The following NEIL3 variants were observed in gnomAD, a reference collection of about 807,000 sequenced individuals.
NEIL3 encodes the protein nei like DNA glycosylase 3.
A neutral mutation model predicts 57.5 loss-of-function variants in NEIL3; 48 were observed. The observed-to-expected ratio is 0.83, with a 90% CI of 0.66 to 1.06. The LOEUF (loss-of-function observed/expected upper bound fraction) is 1.06, where lower values mean the gene tolerates loss of function less well. Among genes scored for constraint, NEIL3 ranks in the 50% least tolerant of loss-of-function variants. The probability of loss-of-function intolerance (pLI) is 0.00; values close to 1 mark genes in which losing one functional copy is unlikely to be tolerated. For synonymous variants in NEIL3, 261 were observed against 253.2 expected (o/e 1.03, Z -0.29); for missense variants, 717 against 739.1 (o/e 0.97, Z 0.35).
chr4:177,325,092 A>G (rs1486813465), intron 2 of NEIL3, among the ~76,000 whole-genome samples: 1 of 152,078 alleles, frequency 6.6e-6, no homozygotes, highest in Non-Finnish European at 1.5e-5. Context: ...TATATCTGAG[A>G]TATTTTGGAG....
chr4:177,345,464 C>CTT (rs11368079), intron 6 of NEIL3, among the ~76,000 whole-genome samples: 22 of 139,270 alleles, frequency 1.6e-4, no homozygotes, highest in African/African-American at 3.8e-4. Flanking sequence ...CAAACCAACT[C>CTT]TTTTTTTTTT....
chr4:177,335,526 A>T (rs1412212997), intron 2 of NEIL3, among the ~76,000 whole-genome samples, 162 bp from the exon 3 acceptor site: 2 of 152,154 alleles, frequency 1.3e-5, no homozygotes, highest in Non-Finnish European at 2.9e-5. Context: ...GTCATGAGAG[A>T]AAAATATATA....
chr4:177,338,086 G>A (rs1038443860), intron 4 of NEIL3, among the ~76,000 whole-genome samples: 8 of 151,966 alleles, frequency 5.3e-5, no homozygotes, highest in Non-Finnish European at 1.0e-4. Context: ...TTAAAAGCAC[G>A]TGCACAATTA....
chr4:177,323,201 T>C (rs933073610), intron 2 of NEIL3, among the ~76,000 whole-genome samples: 1 of 152,188 alleles, frequency 6.6e-6, no homozygotes, highest in East Asian at 1.9e-4. Context: ...TGTTTAATTT[T>C]TGCAGGAAAA....
chr4:177,361,253 A>G (rs1371054265), intron 9 of NEIL3, among the ~76,000 whole-genome samples: 1 of 152,208 alleles, frequency 6.6e-6, no homozygotes, highest in African/African-American at 2.4e-5. Flanking sequence ...TAAGAACCTC[A>G]GGTCCGTTTA....
intron 6 of NEIL3, among the ~76,000 whole-genome samples, chr4:177,345,290 A>G (rs1735191440): frequency 6.6e-6 from 1 of 152,292 alleles, no homozygotes; most frequent in Non-Finnish European, 1.5e-5. Context: ...GGATTTTCTG[A>G]AAGACGAAAC....
At chr4:177,368,804 T>A in the NEIL3 span, among the ~76,000 whole-genome samples, 1 of 152,328 alleles carries the variant, frequency 6.6e-6, no homozygotes, top group East Asian at 1.9e-4. Context: ...GTCCCTTTTT[T>A]TGGTATTTTC....
intron 8 of NEIL3, 49 bp from the exon 9 acceptor site, chr4:177,360,454 G>A: frequency 1.4e-6 from 2 of 1,408,028 alleles, no homozygotes; most frequent in Non-Finnish European, 1.9e-6. Flanking sequence ...GGTGTGAATG[G>A]TCCCTTAGCA....
chr4:177,349,054 T>TTA (rs1491026828), intron 6 of NEIL3, among the ~76,000 whole-genome samples: 1 of 105,540 alleles, frequency 9.5e-6, no homozygotes, highest in African/African-American at 3.3e-5. Flanking sequence ...TTTTTTTTTT[T>TTA]TGTATTTTTA....
At chr4:177,348,818 A>T (rs548890164) in intron 6 of NEIL3, among the ~76,000 whole-genome samples, 2 of 115,362 alleles carry the variant, frequency 1.7e-5, no homozygotes, top group Admixed American at 1.1e-4. Context: ...ATTTCCTGAC[A>T]TGAGATAGAA....
chr4:177,359,559 G>T (rs1735564935), intron 8 of NEIL3, among the ~76,000 whole-genome samples: 1 of 151,922 alleles, frequency 6.6e-6, no homozygotes, highest in Admixed American at 6.6e-5. Flanking sequence ...ATTTAAGAAT[G>T]ATATTTTTGT....
intron 8 of NEIL3, among the ~76,000 whole-genome samples, chr4:177,354,469 G>A (rs987686654): frequency 6.6e-6 from 1 of 152,096 alleles, no homozygotes; most frequent in Non-Finnish European, 1.5e-5. Flanking sequence ...CTAAAAGGAG[G>A]GGTCTGAGGT....
intron 6 of NEIL3, among the ~76,000 whole-genome samples, chr4:177,346,662 A>G (rs1053193281): frequency 1.3e-5 from 2 of 152,184 alleles, no homozygotes; most frequent in African/African-American, 4.8e-5. Context: ...AGATTCAGCT[A>G]TCATCTCAGA....
chr4:177,322,585 G>C lies in NEIL3; in HGVS notation c.278+5G>C, dbSNP rs1396281792. The C allele has an allele frequency of 6.2e-7, 1 of 1,613,650 alleles. No homozygotes were observed. The highest frequency in any genetic ancestry group is 8.5e-7 in the Non-Finnish European group (1 of 1,179,718). On this transcript the variant is annotated splice_donor_5th_base_variant and intron_variant, in intron 2 of 9. Coordinates refer to ENST00000264596, the MANE Select transcript of NEIL3 (RefSeq NM_018248.3). Reference sequence around the variant, plus strand: ...CTTTGGACCAAAAGCTTTACGGTAAGATAAGCCTGTACGATACATCTTATC... The same window carrying C: ...CTTTGGACCAAAAGCTTTACGGTAACATAAGCCTGTACGATACATCTTATC...
Position 177,322,495 on chromosome 4 carries a change from T to C in NEIL3, c.193T>C (p.Leu65=), listed in dbSNP as rs752641555. ...ALNNDSSQNV[L]SLFNGYVYSG... ...GAATAATGATTCCAGCCAGAATGTC[T>C]TGAGCCTGTTTAATGGATATGTTTA... Residue 65 remains leucine (L), a synonymous_variant, in exon 2 of 10, where the codon TTG becomes CTG. Transcript: ENST00000264596. 6.2e-7 allele frequency: 1 copy of C among 1,614,036 alleles called. No homozygotes were observed. The highest frequency in any genetic ancestry group is 8.5e-7 in the Non-Finnish European group (1 of 1,179,896).
intron 7 of NEIL3, among the ~76,000 whole-genome samples, chr4:177,351,789 A>G (rs532502229): frequency 1.4e-3 from 211 of 152,328 alleles, no homozygotes; most frequent in African/African-American, 4.8e-3. Flanking sequence ...GTATCTCAAA[A>G]AAATGGAGAT....
At chr4:177,317,848 C>T (rs989587240) in intron 1 of NEIL3, among the ~76,000 whole-genome samples, 1 of 151,938 alleles carries the variant, frequency 6.6e-6, no homozygotes, top group Admixed American at 6.6e-5. Flanking sequence ...CCGCCTGCCT[C>T]GGCCTCCCAA....
At chr4:177,353,246 T>G in intron 7 of NEIL3, 62 bp from the exon 8 acceptor site, 1 of 1,355,680 alleles carries the variant, frequency 7.4e-7, no homozygotes. Context: ...AAAAAGATGT[T>G]TCACATAATC....
Position 177,362,426 on chromosome 4 carries a change from G to A in NEIL3, c.1773G>A (p.Gln591=). ...LGKEKQCNFF[Q]WAENGPGIKI... ...AGGAAAAACAATGCAATTTTTTCCA[G>A]TGGGCAGAAAATGGGCCAGGAATAA... The change falls in exon 10 of 10, where the codon CAG becomes CAA. Residue 591 remains glutamine, a synonymous_variant. Transcript: ENST00000264596. 6.2e-7 allele frequency: 1 copy of A among 1,613,366 alleles called. No individual in the cohort carries two copies. Among genetic ancestry groups the A allele is most frequent in the Admixed American group, 1.7e-5 (1 of 59,886 alleles).
Sources: gnomAD v4.1 joint callset for allele counts (sites outside exome capture counted in the v4.1 genomes callset) on GRCh38, gnomAD v4.1.1 for gene constraint, MANE v1.5 for transcripts, NCBI Gene and HGNC (gene_info 2026-07-23, HGNC 2026-07-21) for gene names.